The following MPLKIP variants were observed in gnomAD, a reference collection of about 807,000 sequenced individuals.
The protein encoded by MPLKIP is M-phase-specific PLK1-interacting protein.
A neutral mutation model predicts 16.9 loss-of-function variants in MPLKIP; 16 were observed. The observed-to-expected ratio is 0.94, with a 90% CI of 0.64 to 1.43. The LOEUF (loss-of-function observed/expected upper bound fraction) is 1.43. Among genes scored for constraint, MPLKIP ranks in the 40% most tolerant of loss-of-function variants. MPLKIP has a pLI of 0.00. For synonymous variants in MPLKIP, 126 were observed against 98.4 expected, an observed-to-expected ratio of 1.28 and a Z score of -1.66; for missense variants, 282 against 237.6, an observed-to-expected ratio of 1.19 and a Z score of -1.23.
rs1341652834 is a variant in MPLKIP at position 40,126,763 on chromosome 7, G to A, written c.*6296C>T. 2 of 151,316 alleles carry A rather than the reference G, an allele frequency of 1.3e-5. No individual in the cohort carries two copies. The highest frequency in any genetic ancestry group is 2.9e-5 in the Non-Finnish European group (2 of 67,914). 9.4% of individuals were successfully genotyped at this position (151,316 alleles called of 1,614,324 possible). A position where few individuals can be genotyped will look rare whatever the true frequency, so the allele number is the denominator to read the frequency against. ...TTTTAATGAATTTGAACAAATACAA[G>A]TATCTGAGAAGAGTTAACCCTAATT... On this transcript the variant is annotated 3_prime_UTR_variant, in exon 2 of 2. Coordinates refer to ENST00000306984, the MANE Select transcript of MPLKIP (RefSeq NM_138701.4).
In MPLKIP at chr7:40,133,197, A is replaced by G. The variant is rs1325539280; in HGVS notation, c.402T>C (p.Asn134=). The change falls in exon 2 of 2, where the codon AAT becomes AAC. Residue 134 remains asparagine, a synonymous_variant. Transcript: ENST00000306984. ...AAGGCTTGAAATAATTTTCCAACTC[A>G]TTAGACATTCTTTTTTCTCTAACAC... ...SGRVREKRMS[N]ELENYFKPSM... 2 of 1,613,904 alleles carry G rather than the reference A, an allele frequency of 1.2e-6. No individual in the cohort carries two copies.
In MPLKIP at chr7:40,134,439, G is replaced by A; in HGVS notation, c.129C>T (p.Asp43=). Residue 43 remains aspartate, a synonymous_variant, in exon 1 of 2, where the codon GAC becomes GAT. Coordinates refer to ENST00000306984, the MANE Select transcript of MPLKIP (RefSeq NM_138701.4). ...GGGPRPPSPR[D]GYGSPHHTPP... is the part of the protein sequence containing the mutation. ...GCGTGTGGTGCGGACTCCCGTACCCGTCTCGAGGGGAGGGCGGCCGTGGTC... is the reference window on the plus strand; with the variant it reads ...GCGTGTGGTGCGGACTCCCGTACCCATCTCGAGGGGAGGGCGGCCGTGGTC... The A allele has an allele frequency of 6.4e-7, 1 of 1,567,096 alleles. No homozygotes were observed. The highest frequency in any genetic ancestry group is 8.6e-7 in the Non-Finnish European group (1 of 1,157,864).
In MPLKIP at chr7:40,126,570, A is replaced by T. The variant is rs1345608821; in HGVS notation, c.*6489T>A. On this transcript the variant is annotated 3_prime_UTR_variant, in exon 2 of 2. Transcript: ENST00000306984. Reference sequence around the variant, plus strand: ...TGCCTCAGCCTCCCAAGTAGCTGGGATACAGGCACATGCCACCATGTCTAA... The same window carrying T: ...TGCCTCAGCCTCCCAAGTAGCTGGGTTACAGGCACATGCCACCATGTCTAA... 1 of 151,936 alleles carries T rather than the reference A, an allele frequency of 6.6e-6. No homozygotes were observed. Among genetic ancestry groups the T allele is most frequent in the Non-Finnish European group, 1.5e-5 (1 of 68,050 alleles). The allele number at this position is 151,936 out of a possible 1,614,324, so 9.4% of individuals were successfully genotyped here.
chr7:40,134,258 AG>A lies in MPLKIP; in HGVS notation c.309del (p.Ser104ProfsTer49). On this transcript the variant is annotated frameshift_variant, in exon 1 of 2. Coordinates refer to ENST00000306984, the MANE Select transcript of MPLKIP (RefSeq NM_138701.4). LOFTEE classifies it high-confidence loss of function. ...GGGTGGGTCTGCTGCTGCCCTGGGG[AG>A]TAGCCGAATTGCTGCTGGGACCCCG... ...SPAGSQQQFG[Y>X]SPGQQQTHPQ... 1 of 1,560,172 alleles carries A rather than the reference AG, an allele frequency of 6.4e-7. No homozygotes were observed. The highest frequency in any genetic ancestry group is 8.7e-7 in the Non-Finnish European group (1 of 1,151,962).
Position 40,127,644 on chromosome 7 carries a change from A to G in MPLKIP, c.*5415T>C, listed in dbSNP as rs1787409132. 1 of 152,212 alleles carries G rather than the reference A, an allele frequency of 6.6e-6. No homozygotes were observed. Among genetic ancestry groups the G allele is most frequent in the Admixed American group, 6.5e-5 (1 of 15,284 alleles). 9.4% of individuals were successfully genotyped at this position (152,212 alleles called of 1,614,324 possible). On this transcript the variant is annotated 3_prime_UTR_variant, in exon 2 of 2. Transcript: ENST00000306984. ...TGTATCTTATAATCAATGACATGTCACAGCTTAACTGGCAGTATTTTTACT... is the reference window on the plus strand; with the variant it reads ...TGTATCTTATAATCAATGACATGTCGCAGCTTAACTGGCAGTATTTTTACT...
rs1263824150 is a variant in MPLKIP at position 40,134,371 on chromosome 7, G to A, written c.197C>T (p.Ser66Phe). 1 of 1,556,018 alleles carries A rather than the reference G, an allele frequency of 6.4e-7. No individual in the cohort carries two copies. The highest frequency in any genetic ancestry group is 1.9e-5 in the Admixed American group (1 of 51,884). ...PRSRPYGSSHSPRHGGSFPGG... is the reference protein window; with the variant it reads ...PRSRPYGSSHFPRHGGSFPGG... ...CGGGAAGCTGCCGCCGTGTCGCGGA[G>A]AGTGACTGCTCCCGTACGGCCTAGA... Residue 66 changes from serine (S) to phenylalanine (F), a missense_variant, in exon 1 of 2, where the codon TCT (serine) becomes TTT (phenylalanine). Transcript: ENST00000306984.
chr7:40,134,407 T>A lies in MPLKIP; in HGVS notation c.161A>T (p.Tyr54Phe), dbSNP rs1787552598. 2 of 1,562,712 alleles carry A rather than the reference T, an allele frequency of 1.3e-6. No homozygotes were observed. The highest frequency in any genetic ancestry group is 1.4e-5 in the African/African-American group (1 of 73,656). ...GYGSPHHTPPYGPRSRPYGSS... is the reference protein window; with the variant it reads ...GYGSPHHTPPFGPRSRPYGSS... ...CCCGTACGGCCTAGACCGGGGCCCGTACGGCGGCGTGTGGTGCGGACTCCC... is the reference window on the plus strand; with the variant it reads ...CCCGTACGGCCTAGACCGGGGCCCGAACGGCGGCGTGTGGTGCGGACTCCC... Residue 54 changes from tyrosine (Y) to phenylalanine (F), a missense_variant, in exon 1 of 2, where the codon TAC (tyrosine) becomes TTC (phenylalanine). Transcript: ENST00000306984.
At chr7:40,133,814 G>A (rs1013414047) in intron 1 of MPLKIP, among the ~76,000 whole-genome samples, 3 of 146,312 alleles carry the variant, frequency 2.1e-5, no homozygotes, top group Non-Finnish European at 3.0e-5. Flanking sequence ...TAAAGGAATG[G>A]AAAACTTCCA....
chr7:40,134,156 C>T (rs934855086), intron 1 of MPLKIP, 73 bp downstream of exon 1: 23 of 1,497,726 alleles, frequency 1.5e-5, no homozygotes, highest in Non-Finnish European at 1.9e-5. Context: ...ACAAAATAAT[C>T]CACGTAAAGG....
chr7:40,134,417 T>G lies in MPLKIP; in HGVS notation c.151A>C (p.Thr51Pro). 6.4e-7 allele frequency: 1 copy of G among 1,563,776 alleles called. No homozygotes were observed. Among genetic ancestry groups the G allele is most frequent in the Non-Finnish European group, 8.6e-7 (1 of 1,156,330 alleles). ...CTAGACCGGGGCCCGTACGGCGGCG[T>G]GTGGTGCGGACTCCCGTACCCGTCT... ...PRDGYGSPHHTPPYGPRSRPY... is the reference protein window; with the variant it reads ...PRDGYGSPHHPPPYGPRSRPY... The change falls in exon 1 of 2, where the codon ACG becomes CCG. Residue 51 changes from threonine (T) to proline (P), a missense_variant. Coordinates refer to ENST00000306984, the MANE Select transcript of MPLKIP (RefSeq NM_138701.4).
Position 40,133,071 on chromosome 7 carries a change from T to C in MPLKIP, c.528A>G (p.Arg176=), listed in dbSNP as rs1787486683. The change falls in exon 2 of 2, where the codon AGA becomes AGG. Residue 176 remains arginine, a synonymous_variant. Coordinates refer to ENST00000306984, the MANE Select transcript of MPLKIP (RefSeq NM_138701.4). ...NTQTFTGKKG[R]YFC ...AATTTCAGAAATGTTAACAAAAGTA[T>C]CTTCCTTTTTTGCCTGTGAATGTTT... 6.2e-7 allele frequency: 1 copy of C among 1,613,558 alleles called. No homozygotes were observed.
At position 40,130,716 on chromosome 7, in the gene MPLKIP, A is replaced by C. The variant is rs1316225877; in HGVS notation, c.*2343T>G. On this transcript the variant is annotated 3_prime_UTR_variant, in exon 2 of 2. Transcript: ENST00000306984. ...CATTTCTTACCTATAAAGTTCAATA[A>C]AGTATTTAAAAAAGTATTCCCTTTG... The C allele has an allele frequency of 6.6e-6, 1 of 152,210 alleles. No individual in the cohort carries two copies. The allele number at this position is 152,210 out of a possible 1,614,324, so 9.4% of individuals were successfully genotyped here.
chr7:40,133,901 A>G (rs966160536), intron 1 of MPLKIP, among the ~76,000 whole-genome samples: 3 of 149,934 alleles, frequency 2.0e-5, no homozygotes, highest in Admixed American at 1.3e-4. Flanking sequence ...AAAAAAAAAA[A>G]AAAAAGAAAA....
In MPLKIP at chr7:40,126,938, C is replaced by G. The variant is rs1787400061; in HGVS notation, c.*6121G>C. The G allele has an allele frequency of 6.6e-6, 1 of 150,922 alleles. No individual in the cohort carries two copies. The highest frequency in any genetic ancestry group is 1.5e-5 in the Non-Finnish European group (1 of 67,786). The allele number at this position is 150,922 out of a possible 1,614,324, so 9.3% of individuals were successfully genotyped here. A position where few individuals can be genotyped will look rare whatever the true frequency, so the allele number is the denominator to read the frequency against. ...TCTCCTGCCTCAGCCTCCCGACTAG[C>G]TGGGACTACAGGCGCCCGCCACCAT... is the stretch of plus-strand genomic sequence containing the variant. On this transcript the variant is annotated 3_prime_UTR_variant, in exon 2 of 2. Coordinates refer to ENST00000306984, the MANE Select transcript of MPLKIP (RefSeq NM_138701.4).
In MPLKIP at chr7:40,129,803, TGTTAATGTTCAAAG is replaced by T. The variant is rs1787439043; in HGVS notation, c.*3242_*3255del. ...AACTCTTTGAAAAAAAAAAAAAGTC[TGTTAATGTTCAAAG>T]GGAAGGGACGTAACTCCACATCTTG... On this transcript the variant is annotated 3_prime_UTR_variant, in exon 2 of 2. Coordinates refer to ENST00000306984, the MANE Select transcript of MPLKIP (RefSeq NM_138701.4). 6.7e-6 allele frequency: 1 copy of T among 149,630 alleles called. No homozygotes were observed. The highest frequency in any genetic ancestry group is 2.5e-5 in the African/African-American group (1 of 40,494). The allele number at this position is 149,630 out of a possible 1,614,324, so 9.3% of individuals were successfully genotyped here. A position where few individuals can be genotyped will look rare whatever the true frequency, so the allele number is the denominator to read the frequency against.
At position 40,132,243 on chromosome 7, in the gene MPLKIP, T is replaced by C. The variant is rs185937225; in HGVS notation, c.*816A>G. On this transcript the variant is annotated 3_prime_UTR_variant, in exon 2 of 2. Transcript: ENST00000306984. The stretch of plus-strand genomic sequence containing the variant: ...CACTGTGGCCTTGGCCACAGTTAAT[T>C]GGTTCAATAATACAGAAACATGATC... The C allele has an allele frequency of 2.0e-5, 3 of 152,336 alleles. No homozygotes were observed. The highest frequency in any genetic ancestry group is 7.2e-5 in the African/African-American group (3 of 41,556). 9.4% of individuals were successfully genotyped at this position (152,336 alleles called of 1,614,324 possible). A position where few individuals can be genotyped will look rare whatever the true frequency, so the allele number is the denominator to read the frequency against.
Position 40,129,782 on chromosome 7 carries a change from CTT to C in MPLKIP, c.*3275_*3276del, listed in dbSNP as rs1389005672. The C allele has an allele frequency of 1.6e-5, 2 of 123,330 alleles. No homozygotes were observed. Among genetic ancestry groups the C allele is most frequent in the Non-Finnish European group, 3.6e-5 (2 of 55,414 alleles). The allele number at this position is 123,330 out of a possible 1,614,324, so 7.6% of individuals were successfully genotyped here. On this transcript the variant is annotated 3_prime_UTR_variant, in exon 2 of 2. Coordinates refer to ENST00000306984, the MANE Select transcript of MPLKIP (RefSeq NM_138701.4). ...GCCCCTATAAGGAGACCCTCTAACT[CTT>C]TGAAAAAAAAAAAAAGTCTGTTAAT...
Position 40,133,093 on chromosome 7 carries a change from G to GT in MPLKIP, c.505dup (p.Thr169AsnfsTer32), listed in dbSNP as rs768342562. 1.9e-6 allele frequency: 3 copies of GT among 1,613,926 alleles called. No homozygotes were observed. The highest frequency in any genetic ancestry group is 2.5e-6 in the Non-Finnish European group (3 of 1,179,960). On this transcript the variant is annotated frameshift_variant, in exon 2 of 2. Transcript: ENST00000306984. LOFTEE classifies it high-confidence loss of function. ...GTATCTTCCTTTTTTGCCTGTGAAT[G>GT]TTTGAGTATTGCTGTATTGTTGGCT...
In MPLKIP at chr7:40,132,658, A is replaced by T; in HGVS notation, c.*401T>A. ...ATTTCATTTTCAAAAATAATTTGCA[A>T]AACATTTACCTATGAACTCTAAGTG... is the stretch of plus-strand genomic sequence containing the variant. On this transcript the variant is annotated 3_prime_UTR_variant, in exon 2 of 2. Transcript: ENST00000306984. The T allele has an allele frequency of 4.0e-6, 1 of 248,642 alleles. No homozygotes were observed. The highest frequency in any genetic ancestry group is 4.6e-5 in the South Asian group (1 of 21,714). 15.4% of individuals were successfully genotyped at this position (248,642 alleles called of 1,614,324 possible).
Sources: allele counts gnomAD v4.1 joint callset (sites outside exome capture counted in the v4.1 genomes callset), GRCh38; gene constraint gnomAD v4.1.1; transcripts MANE v1.5; gene names NCBI Gene and HGNC (gene_info 2026-07-23, HGNC 2026-07-21).